The following PTPN18 variants were observed in gnomAD, a reference collection of about 807,000 sequenced individuals.
The protein encoded by PTPN18 is protein tyrosine phosphatase non-receptor type 18.
A neutral mutation model predicts 65.4 loss-of-function variants in PTPN18; 65 were observed. That is an observed-to-expected ratio of 0.99 (90% confidence interval 0.81 to 1.22). The LOEUF (loss-of-function observed/expected upper bound fraction) is 1.22. Among genes scored for constraint, PTPN18 ranks in the 50% most tolerant of loss-of-function variants. The pLI, the probability that PTPN18 is intolerant of heterozygous loss-of-function variation, is 0.00. For missense variants in PTPN18, 616 were observed against 646.5 expected, an observed-to-expected ratio of 0.95 and a Z score of 0.51; for synonymous variants, 255 against 267.8, an observed-to-expected ratio of 0.95 and a Z score of 0.47.
At chr2:130,363,369 C>T (rs1680283616) in intron 5 of PTPN18, among the ~76,000 whole-genome samples, 1 of 151,970 alleles carries the variant, frequency 6.6e-6, no homozygotes, top group Non-Finnish European at 1.5e-5. Context: ...ATAGCTTGAA[C>T]CAGGGAGTTG....
chr2:130,373,358 G>A lies in PTPN18; in HGVS notation c.*134G>A. On this transcript the variant is annotated 3_prime_UTR_variant, in exon 15 of 15. Transcript: ENST00000175756. This position sits in a 1 kb window ranked among gnomAD's most constrained non-coding sequence, Gnocchi z 4.1. The stretch of plus-strand genomic sequence containing the variant: ...AAAGTTTCTCAGGGTGGGAAATGTG[G>A]GGGCTTTGCCCCAATGACTGTAGCA... 1 of 979,796 alleles carries A rather than the reference G, an allele frequency of 1.0e-6. No homozygotes were observed. Among genetic ancestry groups the A allele is most frequent in the South Asian group, 1.9e-5 (1 of 52,820 alleles). 60.7% of individuals were successfully genotyped at this position (979,796 alleles called of 1,614,324 possible).
intron 1 of PTPN18, among the ~76,000 whole-genome samples, chr2:130,357,016 C>G (rs1205920958): frequency 6.6e-6 from 1 of 152,140 alleles, no homozygotes; most frequent in Non-Finnish European, 1.5e-5. Context: ...CACAGCGAAA[C>G]CCCGTCTCTA....
intron 2 of PTPN18, 100 bp from the exon 3 acceptor site, chr2:130,359,133 A>G: frequency 6.6e-7 from 1 of 1,504,932 alleles, no homozygotes; most frequent in Admixed American, 1.7e-5. Flanking sequence ...GGATCTCTGC[A>G]TGTGTGTGGT....
At chr2:130,365,755 G>C (rs775963414) in intron 5 of PTPN18, among the ~76,000 whole-genome samples, 14 of 152,196 alleles carry the variant, frequency 9.2e-5, no homozygotes, top group Non-Finnish European at 1.9e-4. Flanking sequence ...TGTGATGTGA[G>C]ATAGGGGTCC....
At position 130,370,191 on chromosome 2, in the gene PTPN18, G is replaced by A; in HGVS notation, c.689+1G>A. The A allele has an allele frequency of 6.2e-7, 1 of 1,610,586 alleles. No individual in the cohort carries two copies. On this transcript the variant is annotated splice_donor_variant, in intron 8 of 14. Transcript: ENST00000175756. LOFTEE classifies it high-confidence loss of function. ...CTGAACCCCTCTGTGTCCACTGCAG[G>A]TTTTGGAAATGGGCTTCAGGAGGGT...
intron 8 of PTPN18, 29 bp from the exon 9 acceptor site, chr2:130,370,528 G>T: frequency 1.2e-6 from 2 of 1,614,034 alleles, no homozygotes; most frequent in South Asian, 2.2e-5. Context: ...GTCAGGACCT[G>T]ACCAGGCACA....
chr2:130,371,350 C>A, intron 12 of PTPN18, 63 bp downstream of exon 12: 2 of 1,359,962 alleles, frequency 1.5e-6, no homozygotes, highest in Non-Finnish European at 2.0e-6. Context: ...CTTCTTCATC[C>A]TTGGAACACC....
At position 130,356,087 on chromosome 2, in the gene PTPN18, A is replaced by G. The variant is rs1156800787; in HGVS notation, c.-21A>G. The G allele has an allele frequency of 3.1e-6, 4 of 1,274,020 alleles. No individual in the cohort carries two copies. The highest frequency in any genetic ancestry group is 3.0e-6 in the Non-Finnish European group (3 of 1,011,618). 78.9% of individuals were successfully genotyped at this position (1,274,020 alleles called of 1,614,324 possible). On this transcript the variant is annotated 5_prime_UTR_variant, in exon 1 of 15. Coordinates refer to ENST00000175756, the MANE Select transcript of PTPN18 (RefSeq NM_014369.4). The stretch of plus-strand genomic sequence containing the variant: ...GCCGCGCGCGCGGCGGCCGGGCTGG[A>G]CCTTGCTGGCCCGCGGCGCCATGAG...
At chr2:130,359,073 C>A in intron 2 of PTPN18, 98 bp downstream of exon 2, 1 of 1,455,164 alleles carries the variant, frequency 6.9e-7, no homozygotes, top group East Asian at 2.3e-5. Context: ...GCTCTCCTCC[C>A]AGAGCCTCAC....
At chr2:130,371,141 C>T (rs1680551020) in intron 11 of PTPN18, 58 bp from the exon 12 acceptor site, 2 of 1,479,336 alleles carry the variant, frequency 1.4e-6, no homozygotes, top group Non-Finnish European at 1.9e-6. Context: ...TCCCAGAGCC[C>T]CTTGAGAGGC....
At chr2:130,357,746 C>G (rs1434522024) in intron 1 of PTPN18, among the ~76,000 whole-genome samples, 1 of 151,642 alleles carries the variant, frequency 6.6e-6, no homozygotes, top group Non-Finnish European at 1.5e-5. Context: ...GTCCCAGCTA[C>G]TCGGGTGGCT....
chr2:130,364,525 A>C (rs1680322364), intron 5 of PTPN18, among the ~76,000 whole-genome samples: 1 of 152,224 alleles, frequency 6.6e-6, no homozygotes, highest in Non-Finnish European at 1.5e-5. Context: ...GGCTGGACAC[A>C]GTGGCTCACG....
rs754929704 is a variant in PTPN18 at position 130,373,182 on chromosome 2, G to A, written c.1341G>A (p.Pro447=). The A allele has an allele frequency of 1.2e-5, 19 of 1,601,278 alleles. No individual in the cohort carries two copies. Among genetic ancestry groups the A allele is most frequent in the East Asian group, 8.9e-5 (4 of 44,696 alleles). Residue 447 remains proline, a synonymous_variant, in exon 15 of 15, where the codon CCG becomes CCA. Transcript: ENST00000175756. This position sits in a 1 kb window ranked among gnomAD's most constrained non-coding sequence, Gnocchi z 4.1. ...GLGFNLRIGR[P]KGPRDPPAEW... ...GTTTCAACCTGCGCATTGGGAGGCC[G>A]AAGGGTCCCCGGGACCCGCCTGCTG...
chr2:130,372,575 C>G lies in PTPN18; in HGVS notation c.1240+92C>G, dbSNP rs927208172. 2.3e-5 allele frequency: 31 copies of G among 1,363,292 alleles called. No homozygotes were observed. The African/African-American group carries it at 4.6e-4, about 20-fold the overall frequency. 84.4% of individuals were successfully genotyped at this position (1,363,292 alleles called of 1,614,324 possible). On this transcript the variant is annotated intron_variant, in intron 13 of 14. Transcript: ENST00000175756. Reference sequence around the variant, plus strand: ...CAGTGGTCCGTCAGGCCCTGGCGGCCGCGGGGACCCCAGCCGCTAGCCTGG... The same window carrying G: ...CAGTGGTCCGTCAGGCCCTGGCGGCGGCGGGGACCCCAGCCGCTAGCCTGG...
chr2:130,374,237 T>G lies in PTPN18; in HGVS notation c.*1013T>G, dbSNP rs1680666944. 1 of 192,658 alleles carries G rather than the reference T, an allele frequency of 5.2e-6. No individual in the cohort carries two copies. The highest frequency in any genetic ancestry group is 1.1e-5 in the Non-Finnish European group (1 of 91,586). The allele number at this position is 192,658 out of a possible 1,614,324, so 11.9% of individuals were successfully genotyped here. A position where few individuals can be genotyped will look rare whatever the true frequency, so the allele number is the denominator to read the frequency against. On this transcript the variant is annotated 3_prime_UTR_variant, in exon 15 of 15. Transcript: ENST00000175756. ...GACCCCCAGCAAATCAGGACCTATC[T>G]AGGCAGACCCCAGCCAGACCCCCGC...
intron 5 of PTPN18, among the ~76,000 whole-genome samples, chr2:130,360,294 G>A (rs2104928215): frequency 6.6e-6 from 1 of 152,298 alleles, no homozygotes; most frequent in South Asian, 2.1e-4. Flanking sequence ...CACAAGGCCA[G>A]GGATTTTTGT....
In PTPN18 at chr2:130,369,755, C is replaced by G. The variant is rs1573865111; in HGVS notation, c.484-10C>G. 1.3e-6 allele frequency: 2 copies of G among 1,583,480 alleles called. No individual in the cohort carries two copies. Among genetic ancestry groups the G allele is most frequent in the African/African-American group, 1.3e-5 (1 of 74,208 alleles). ...TCCCTCTTCTTACTTGCCCCACCCC[C>G]CTTACTCAGATAAAGGAGAAGTGGC... On this transcript the variant is annotated splice_polypyrimidine_tract_variant and intron_variant, in intron 6 of 14. Transcript: ENST00000175756.
Position 130,371,206 on chromosome 2 carries a change from C to T in PTPN18, c.932C>T (p.Ala311Val). The change falls in exon 12 of 15, where the codon GCC becomes GTC. Residue 311 changes from alanine to valine, a missense_variant. Around this residue, in one of 3 missense-constraint regions of PTPN18, gnomAD observed 368 missense variants for 386.7 expected, o/e 0.95. Coordinates refer to ENST00000175756, the MANE Select transcript of PTPN18 (RefSeq NM_014369.4). ...CCTCCTGTTTTTCTTCAGAATTGTGCCCCACTCTACGACGATGCCCTCTTC... is the reference window on the plus strand; with the variant it reads ...CCTCCTGTTTTTCTTCAGAATTGTGTCCCACTCTACGACGATGCCCTCTTC... The part of the protein sequence containing the change: ...PHYQNIKENC[A>V]PLYDDALFLR... The T allele has an allele frequency of 1.2e-6, 2 of 1,607,880 alleles. No individual in the cohort carries two copies. The highest frequency in any genetic ancestry group is 2.2e-5 in the East Asian group (1 of 44,840).
At chr2:130,363,769 T>C (rs1392398615) in intron 5 of PTPN18, among the ~76,000 whole-genome samples, 1 of 152,196 alleles carries the variant, frequency 6.6e-6, no homozygotes, top group Non-Finnish European at 1.5e-5. Context: ...AGTCTCTGTG[T>C]AGATGTGGGT....
Sources: allele counts gnomAD v4.1 joint callset (sites outside exome capture counted in the v4.1 genomes callset), GRCh38; gene constraint gnomAD v4.1.1; regional missense constraint gnomAD v4.1.1; non-coding constraint Gnocchi (gnomAD v3.1); transcripts MANE v1.5; gene names NCBI Gene and HGNC (gene_info 2026-07-23, HGNC 2026-07-21).